FUT8: variants seen among roughly 807,000 people sequenced by gnomAD.
FUT8 encodes fucosyltransferase 8.
In FUT8, 29 loss-of-function variants were observed where a neutral mutation model predicts 71.3. The ratio of observed to expected loss-of-function variants is 0.41; its 90% CI spans 0.30 to 0.55. The LOEUF (loss-of-function observed/expected upper bound fraction) is 0.55. Ranked by LOEUF, FUT8 falls within the 20% of genes least tolerant of loss-of-function variation. The pLI is 0.34. For synonymous variants in FUT8, 254 were observed against 239.3 expected (o/e 1.06, Z -0.57); for missense variants, 544 against 702.1 (o/e 0.77, Z 2.55).
rs1247116603 is a variant in FUT8 at position 65,669,153 on chromosome 14, C to T, written c.598-90C>T. The stretch of plus-strand genomic sequence containing the variant: ...TCTATAGAACAAACCTGCATGTGTA[C>T]CCCTGAAGATGAAAGATTAAAAAAA... On this transcript the variant is annotated intron_variant, in intron 6 of 10. Transcript: ENST00000673929. The surrounding 1 kb of genome is among the most constrained non-coding windows in gnomAD (Gnocchi z 4.5). 2.2e-6 allele frequency: 2 copies of T among 910,700 alleles called. No individual in the cohort carries two copies. Among genetic ancestry groups the T allele is most frequent in the Non-Finnish European group, 3.4e-6 (2 of 596,938 alleles). 56.4% of individuals were successfully genotyped at this position (910,700 alleles called of 1,614,324 possible).
chr14:65,486,163 C>T (rs2066406786), intron 2 of FUT8, among the ~76,000 whole-genome samples: 1 of 152,152 alleles, frequency 6.6e-6, no homozygotes, highest in Admixed American at 6.5e-5. Context: ...ATGCAAGTAT[C>T]TATTATATAC....
intron 10 of FUT8, among the ~76,000 whole-genome samples, chr14:65,741,889 CTTT>C (rs1446698308): frequency 6.6e-6 from 1 of 151,940 alleles, no homozygotes; most frequent in African/African-American, 2.4e-5. Flanking sequence ...AGTTTTTCTT[CTTT>C]ATTTGAAAAA....
chr14:65,571,109 G>T (rs1289188472), intron 3 of FUT8, among the ~76,000 whole-genome samples: 1 of 152,030 alleles, frequency 6.6e-6, no homozygotes, highest in South Asian at 2.1e-4. Context: ...TGCTGGATTC[G>T]TGAATCGTTC....
intron 2 of FUT8, among the ~76,000 whole-genome samples, chr14:65,535,733 C>T (rs1472133015): frequency 6.6e-6 from 1 of 152,122 alleles, no homozygotes; most frequent in East Asian, 1.9e-4. Flanking sequence ...GTGCCATGTG[C>T]AGATGAGAAG....
intron 2 of FUT8, among the ~76,000 whole-genome samples, chr14:65,558,355 C>T (rs1441636969): frequency 1.3e-5 from 2 of 149,908 alleles, no homozygotes; most frequent in East Asian, 3.9e-4. Context: ...CTCTCTTGGT[C>T]TTTTAGGCCA....
chr14:65,461,112 C>CA (rs888374884), intron 2 of FUT8, among the ~76,000 whole-genome samples: 6 of 152,066 alleles, frequency 3.9e-5, no homozygotes, highest in African/African-American at 1.4e-4. Flanking sequence ...AGTCTGAAAT[C>CA]AAGGTGTTGG....
the FUT8 span, among the ~76,000 whole-genome samples, chr14:65,399,324 A>AG: frequency 3.3e-4 from 50 of 152,336 alleles, no homozygotes; most frequent in African/African-American, 1.1e-3. Flanking sequence ...CTAAAAAAAA[A>AG]AGATATTTTT....
At chr14:65,670,610 A>G (rs530351016) in intron 7 of FUT8, among the ~76,000 whole-genome samples, 1 of 152,146 alleles carries the variant, frequency 6.6e-6, no homozygotes, top group Non-Finnish European at 1.5e-5. Context: ...TTCAGTTAAT[A>G]TCATTTATTG....
chr14:65,742,138 G>A lies in FUT8; in HGVS notation c.1456G>A (p.Ala486Thr). ...YEIMQTLHPDASANFHSLDDI... is the reference protein window; with the variant it reads ...YEIMQTLHPDTSANFHSLDDI... ...AATTATGCAAACACTACATCCTGATGCCTCTGCAAACTTCCATTCTTTAGA... is the reference window on the plus strand; with the variant it reads ...AATTATGCAAACACTACATCCTGATACCTCTGCAAACTTCCATTCTTTAGA... The change falls in exon 11 of 11, where the codon GCC (alanine) becomes ACC (threonine). Residue 486 changes from alanine to threonine, a missense_variant. Coordinates refer to ENST00000673929, the MANE Select transcript of FUT8 (RefSeq NM_001371533.1). 7 of 1,612,988 alleles carry A rather than the reference G, an allele frequency of 4.3e-6. No homozygotes were observed. Among genetic ancestry groups the A allele is most frequent in the Non-Finnish European group, 5.9e-6 (7 of 1,179,306 alleles).
the FUT8 span, among the ~76,000 whole-genome samples, chr14:65,391,517 A>G: frequency 6.6e-6 from 1 of 152,082 alleles, no homozygotes; most frequent in Non-Finnish European, 1.5e-5. Context: ...CACCAAACTC[A>G]GCTATTTTTT....
intron 2 of FUT8, among the ~76,000 whole-genome samples, chr14:65,546,304 T>G (rs1219196008): frequency 6.6e-6 from 1 of 151,858 alleles, no homozygotes; most frequent in African/African-American, 2.4e-5. Flanking sequence ...AGTTTTTAAG[T>G]CATTAGGCTA....
intron 2 of FUT8, among the ~76,000 whole-genome samples, chr14:65,561,072 A>G (rs1317812939): frequency 1.3e-5 from 2 of 152,220 alleles, no homozygotes; most frequent in Admixed American, 6.5e-5. Flanking sequence ...TTATGCAAGA[A>G]GGAAAAGAAA....
intron 3 of FUT8, among the ~76,000 whole-genome samples, chr14:65,581,348 T>C (rs1464719357): frequency 6.6e-6 from 1 of 152,160 alleles, no homozygotes; most frequent in African/African-American, 2.4e-5. Flanking sequence ...ATGAGTCATC[T>C]TTGGGATTTT....
At chr14:65,541,657 T>C (rs1276480906) in intron 2 of FUT8, among the ~76,000 whole-genome samples, 2 of 152,190 alleles carry the variant, frequency 1.3e-5, no homozygotes, top group African/African-American at 4.8e-5. Flanking sequence ...TGTTCTTTAT[T>C]CAGTCTACTA....
chr14:65,439,954 G>GTGTATATATATATATATATATATA, intron 1 of FUT8, among the ~76,000 whole-genome samples: 2 of 74,970 alleles, frequency 2.7e-5, no homozygotes, highest in Non-Finnish European at 5.0e-5. Flanking sequence ...GTGTGTGTGT[G>GTGTATATATATATATATATATATA]TATATATATA....
chr14:65,719,060 C>G (rs539887790), intron 7 of FUT8, among the ~76,000 whole-genome samples: 1 of 152,276 alleles, frequency 6.6e-6, no homozygotes, highest in Admixed American at 6.5e-5. Context: ...CTGTTCCTAT[C>G]TCTCTCTGCC....
chr14:65,500,949 C>CT (rs2066636802), intron 2 of FUT8, among the ~76,000 whole-genome samples: 1 of 152,106 alleles, frequency 6.6e-6, no homozygotes, highest in East Asian at 1.9e-4. Flanking sequence ...TTCTTTCTTC[C>CT]TCAACTGTGC....
chr14:65,632,855 A>G (rs1447078918), intron 6 of FUT8, among the ~76,000 whole-genome samples: 1 of 152,202 alleles, frequency 6.6e-6, no homozygotes, highest in Non-Finnish European at 1.5e-5. Context: ...TTCAGGTCTC[A>G]GATTTAAGTC....
intron 2 of FUT8, among the ~76,000 whole-genome samples, chr14:65,466,460 A>G (rs1186378504): frequency 1.3e-5 from 2 of 152,196 alleles, no homozygotes; most frequent in Non-Finnish European, 2.9e-5. Context: ...ATTTAAAATT[A>G]TCTTTTAGGC....
Sources: allele counts gnomAD v4.1 joint callset (sites outside exome capture counted in the v4.1 genomes callset), GRCh38; gene constraint gnomAD v4.1.1; non-coding constraint Gnocchi (gnomAD v3.1); transcripts MANE v1.5; gene names NCBI Gene and HGNC (gene_info 2026-07-23, HGNC 2026-07-21).